The following LRRTM4 variants were observed in gnomAD, a reference collection of about 807,000 sequenced individuals.
LRRTM4 encodes the protein leucine rich repeat transmembrane neuronal 4, also known as leucine-rich repeat transmembrane neuronal protein 4.
Under a neutral mutation model 47.6 loss-of-function variants are expected in LRRTM4, and 25 were observed. The ratio of observed to expected loss-of-function variants is 0.53; its 90% CI spans 0.38 to 0.73. The LOEUF is 0.73. Among genes scored for constraint, LRRTM4 ranks in the 30% least tolerant of loss-of-function variants. The pLI is 0.00. For synonymous variants in LRRTM4, 311 were observed against 269.5 expected (o/e 1.15, Z -1.51); for missense variants, 638 against 713.4 (o/e 0.89, Z 1.20).
In LRRTM4 at chr2:77,197,178, G is replaced by T. The variant is rs541450716; in HGVS notation, c.1551+321140C>A. Among the ~76,000 whole-genome samples, 4 of 152,196 alleles carry T rather than the reference G, an allele frequency of 2.6e-5. No individual in the cohort carries two copies. The East Asian group carries it at 5.8e-4, about 22-fold the overall frequency. On this transcript the variant is annotated intron_variant, in intron 3 of 3. Coordinates refer to ENST00000409884, the MANE Select transcript of LRRTM4 (RefSeq NM_001134745.3). ...TCCTAATCTTAATCTTTGTACTGAG[G>T]ATAGATTAAGTAATAAATCATAAAC...
intron 3 of LRRTM4, among the ~76,000 whole-genome samples, chr2:77,071,632 G>C (rs568968304): frequency 6.6e-6 from 1 of 152,150 alleles, no homozygotes; most frequent in East Asian, 1.9e-4. Flanking sequence ...AGTCTGAATA[G>C]GACTATTAAA....
chr2:77,376,424 T>G (rs1672843302), intron 3 of LRRTM4, among the ~76,000 whole-genome samples: 1 of 151,224 alleles, frequency 6.6e-6, no homozygotes, highest in East Asian at 1.9e-4. Context: ...TTTTTTTTTT[T>G]GCTAATGTCC....
intron 3 of LRRTM4, among the ~76,000 whole-genome samples, chr2:76,930,997 CT>C (rs1674750806): frequency 6.6e-6 from 1 of 152,048 alleles, no homozygotes; most frequent in Non-Finnish European, 1.5e-5. Context: ...GTCAGCACTG[CT>C]TGTGGCTCAT....
chr2:77,317,059 C>T (rs903026571), intron 3 of LRRTM4, among the ~76,000 whole-genome samples: 3 of 151,918 alleles, frequency 2.0e-5, no homozygotes, highest in Non-Finnish European at 4.4e-5. Flanking sequence ...TAAAATTATA[C>T]AAGGGAATAT....
chr2:76,903,000 C>T (rs930558870), intron 3 of LRRTM4, among the ~76,000 whole-genome samples: 1 of 152,072 alleles, frequency 6.6e-6, no homozygotes, highest in African/African-American at 2.4e-5. Context: ...TTTAAACTGT[C>T]AATCAAATTC....
intron 3 of LRRTM4, among the ~76,000 whole-genome samples, chr2:76,845,422 G>T (rs1018120844): frequency 6.6e-6 from 1 of 152,120 alleles, no homozygotes; most frequent in African/African-American, 2.4e-5. Context: ...AATCCAGGAG[G>T]CAGAGGTTGA....
At chr2:76,752,532 TA>T (rs1165827810) in intron 3 of LRRTM4, among the ~76,000 whole-genome samples, 1 of 152,162 alleles carries the variant, frequency 6.6e-6, no homozygotes, top group African/African-American at 2.4e-5. Context: ...AAAACCATTG[TA>T]AAGTTCCCTC....
At chr2:77,073,765 C>CTA (rs1207238114) in intron 3 of LRRTM4, among the ~76,000 whole-genome samples, 8 of 151,968 alleles carry the variant, frequency 5.3e-5, no homozygotes, top group African/African-American at 1.7e-4. Flanking sequence ...GTCTCTCTCT[C>CTA]TCTCTATATA....
chr2:77,303,483 A>G (rs1677193048), intron 3 of LRRTM4, among the ~76,000 whole-genome samples: 1 of 152,160 alleles, frequency 6.6e-6, no homozygotes, highest in Non-Finnish European at 1.5e-5. Context: ...AACAAGCATG[A>G]TTACTTTAAG....
chr2:77,242,002 G>C (rs1675281935), intron 3 of LRRTM4, among the ~76,000 whole-genome samples: 1 of 152,000 alleles, frequency 6.6e-6, no homozygotes, highest in South Asian at 2.1e-4. Context: ...CCATACATCT[G>C]TCTTTATGCC....
chr2:76,806,147 A>C (rs895718370), intron 3 of LRRTM4, among the ~76,000 whole-genome samples: 2 of 152,194 alleles, frequency 1.3e-5, no homozygotes, highest in Non-Finnish European at 2.9e-5. Context: ...TCAGTTTTCA[A>C]TGAGGTTGAT....
At chr2:77,320,877 T>A (rs964619773) in intron 3 of LRRTM4, among the ~76,000 whole-genome samples, 1 of 152,088 alleles carries the variant, frequency 6.6e-6, no homozygotes, top group East Asian at 1.9e-4. Flanking sequence ...TTAAATAAAT[T>A]ATTAAGCTTT....
chr2:77,431,174 T>C (rs528706776), intron 3 of LRRTM4, among the ~76,000 whole-genome samples: 1 of 149,076 alleles, frequency 6.7e-6, no homozygotes, highest in Admixed American at 6.6e-5. Flanking sequence ...TAATAAATCT[T>C]CTCGTCTATC....
At chr2:77,260,529 T>A (rs913264026) in intron 3 of LRRTM4, among the ~76,000 whole-genome samples, 2 of 152,020 alleles carry the variant, frequency 1.3e-5, no homozygotes, top group African/African-American at 4.8e-5. Context: ...AACAATATGT[T>A]TTCCTAATAG....
chr2:76,806,002 G>A (rs1025006303), intron 3 of LRRTM4, among the ~76,000 whole-genome samples: 9 of 152,220 alleles, frequency 5.9e-5, no homozygotes, highest in Admixed American at 3.9e-4. Context: ...CAGGGGTTGG[G>A]ACCTGATATT....
intron 3 of LRRTM4, among the ~76,000 whole-genome samples, chr2:76,924,903 G>C (rs1302030216): frequency 6.6e-6 from 1 of 151,910 alleles, no homozygotes; most frequent in Non-Finnish European, 1.5e-5. Flanking sequence ...ACCTCTTCAC[G>C]GTAACTTTAA....
At chr2:76,959,066 T>C (rs1352979701) in intron 3 of LRRTM4, among the ~76,000 whole-genome samples, 1 of 151,730 alleles carries the variant, frequency 6.6e-6, no homozygotes, top group Non-Finnish European at 1.5e-5. Context: ...ACTTTCTGCA[T>C]CATGAGCATA....
chr2:76,960,824 A>C (rs1675832815), intron 3 of LRRTM4, among the ~76,000 whole-genome samples: 1 of 151,516 alleles, frequency 6.6e-6, no homozygotes, highest in African/African-American at 2.4e-5. Context: ...TTCTTATAAA[A>C]TTTAAAATGA....
chr2:76,996,661 C>A (rs1435303973), intron 3 of LRRTM4, among the ~76,000 whole-genome samples: 1 of 151,976 alleles, frequency 6.6e-6, no homozygotes, highest in Non-Finnish European at 1.5e-5. Context: ...CATTTATGAC[C>A]ACAGTAGGAT....
Sources: allele counts gnomAD v4.1 joint callset (sites outside exome capture counted in the v4.1 genomes callset), GRCh38; gene constraint gnomAD v4.1.1; transcripts MANE v1.5; gene names NCBI Gene and HGNC (gene_info 2026-07-23, HGNC 2026-07-21).